The following NFKBIZ variants were observed in gnomAD, a reference collection of about 807,000 sequenced individuals.
NFKBIZ encodes NF-kappa-B inhibitor zeta.
A neutral mutation model predicts 76.8 loss-of-function variants in NFKBIZ; 19 were observed. That is an observed-to-expected ratio of 0.25 (90% CI 0.17 to 0.36). NFKBIZ has a LOEUF of 0.36. Among genes scored for constraint, NFKBIZ ranks in the 10% least tolerant of loss-of-function variants. The probability of loss-of-function intolerance (pLI) is 1.00; values close to 1 mark genes in which losing one functional copy is unlikely to be tolerated. For synonymous variants in NFKBIZ, 368 were observed against 354.8 expected (o/e 1.04, Z -0.42); for missense variants, 829 against 910.9 (o/e 0.91, Z 1.16).
chr3:101,846,826 G>A (rs1214981389), upstream of NFKBIZ, among the ~76,000 whole-genome samples: 2 of 152,172 alleles, frequency 1.3e-5, no homozygotes, highest in Non-Finnish European at 2.9e-5. Context: ...TGAAGGATTG[G>A]CTCACACAAT....
chr3:101,828,340 A>T (rs536767240), intron 1 of NFKBIZ, among the ~76,000 whole-genome samples: 1 of 151,504 alleles, frequency 6.6e-6, no homozygotes, highest in Admixed American at 6.6e-5. Context: ...ATATTGGGGG[A>T]TAGTTTTTTG....
Position 101,853,382 on chromosome 3 carries a change from C to G in NFKBIZ, c.856C>G (p.Leu286Val). Residue 286 changes from leucine to valine, a missense_variant, in exon 5 of 12, where the codon CTG becomes GTG. This residue lies in a region of NFKBIZ where 371 missense variants were observed against 332.3 expected (regional missense o/e 1.12). Coordinates refer to ENST00000326172, the MANE Select transcript of NFKBIZ (RefSeq NM_031419.4). ...CCAACAAATGATAGACCAGGCTTCC[C>G]TGTACCAGTATTCTCCACAGAACCA... ...GSQQMIDQAS[L>V]YQYSPQNQHV... is the part of the protein sequence containing the mutation. 1.2e-6 allele frequency: 2 copies of G among 1,614,152 alleles called. No homozygotes were observed. The highest frequency in any genetic ancestry group is 1.7e-6 in the Non-Finnish European group (2 of 1,180,038).
rs1943106650 is a variant in NFKBIZ, at chr3:101,859,646, C to T, written c.*275C>T. The T allele has an allele frequency of 3.7e-6, 1 of 268,350 alleles. No homozygotes were observed. Among genetic ancestry groups the T allele is most frequent in the African/African-American group, 2.2e-5 (1 of 46,188 alleles). The allele number at this position is 268,350 out of a possible 1,614,324, so 16.6% of individuals were successfully genotyped here. On this transcript the variant is annotated 3_prime_UTR_variant, in exon 12 of 12. Coordinates refer to ENST00000326172, the MANE Select transcript of NFKBIZ (RefSeq NM_031419.4). ...TAACATTGCCTTCAATTAACAGTAG[C>T]TTTTGAGTAGGAAAGGACTTTGATT...
In NFKBIZ at chr3:101,855,734, C is replaced by G; in HGVS notation, c.1656C>G (p.Gly552=). The change falls in exon 9 of 12, where the codon GGC becomes GGG. Residue 552 remains glycine, a splice_region_variant and synonymous_variant. Coordinates refer to ENST00000326172, the MANE Select transcript of NFKBIZ (RefSeq NM_031419.4). ...TGCTTGATTATACTTTTCTTCTAGG[C>G]CTGACTCCCCTTCACTGTGCAGTCA... is the stretch of plus-strand genomic sequence containing the variant. ...FVDLEATNYD[G]LTPLHCAVIA... 2 of 1,587,614 alleles carry G rather than the reference C, an allele frequency of 1.3e-6. No individual in the cohort carries two copies. The highest frequency in any genetic ancestry group is 2.3e-5 in the South Asian group (2 of 86,714).
chr3:101,831,632 CCT>C (rs1228033301), intron 2 of NFKBIZ, among the ~76,000 whole-genome samples: 1 of 150,270 alleles, frequency 6.7e-6, no homozygotes, highest in Non-Finnish European at 1.5e-5. Context: ...TTTTCTTTTT[CCT>C]CTCTCTCTCC....
intron 2 of NFKBIZ, among the ~76,000 whole-genome samples, chr3:101,841,537 A>G (rs1942785005): frequency 6.6e-6 from 1 of 152,234 alleles, no homozygotes; most frequent in South Asian, 2.1e-4. Context: ...ACCATATTGA[A>G]GAATAACTAG....
intron 11 of NFKBIZ, chr3:101,857,946 G>A (rs1943075058): frequency 1.2e-6 from 1 of 849,538 alleles, no homozygotes; most frequent in Non-Finnish European, 1.4e-6. Flanking sequence ...AACAAAAAAT[G>A]GAAAAATTAC....
chr3:101,855,929 G>C (rs1434686128), intron 9 of NFKBIZ, 27 bp downstream of exon 9: 1 of 1,572,224 alleles, frequency 6.4e-7, no homozygotes, highest in Non-Finnish European at 8.6e-7. Flanking sequence ...GGTTTAAGAT[G>C]GGGTAGGGGA....
chr3:101,851,011 A>G (rs1942949889), intron 1 of NFKBIZ, among the ~76,000 whole-genome samples: 1 of 152,218 alleles, frequency 6.6e-6, no homozygotes, highest in South Asian at 2.1e-4. Context: ...GTCATTCCAG[A>G]AAAATGCTGT....
Position 101,853,611 on chromosome 3 carries a change from G to A in NFKBIZ, c.1085G>A (p.Ser362Asn). ...NIANPMQTSS[S>N]VQQQNDAHLH... ...GCTAATCCCATGCAGACTTCCTCCA[G>A]TGTTCAGCAGCAAAATGATGCTCAC... is the stretch of plus-strand genomic sequence containing the variant. Residue 362 changes from serine (S) to asparagine (N), a missense_variant, in exon 5 of 12, where the codon AGT becomes AAT. Physicochemically the swap from Ser to Asn is conservative, Grantham distance 46. This residue lies in a region of NFKBIZ where 371 missense variants were observed against 332.3 expected (regional missense o/e 1.12). Coordinates refer to ENST00000326172, the MANE Select transcript of NFKBIZ (RefSeq NM_031419.4). 1 of 1,614,240 alleles carries A rather than the reference G, an allele frequency of 6.2e-7. No individual in the cohort carries two copies. The highest frequency in any genetic ancestry group is 8.5e-7 in the Non-Finnish European group (1 of 1,180,058).
At chr3:101,830,562 G>A (rs1264173541) in intron 2 of NFKBIZ, among the ~76,000 whole-genome samples, 1 of 152,184 alleles carries the variant, frequency 6.6e-6, no homozygotes, top group South Asian at 2.1e-4. Context: ...ACTTAAAAAT[G>A]AGAACATGTG....
rs752967267 is a variant in NFKBIZ at position 101,853,117 on chromosome 3, G to A, written c.591G>A (p.Gly197=). The part of the protein sequence containing the change: ...FLTPPQTPTP[G]ESMEDVHLNE... ...CACCACCTCAAACACCAACGCCCGG[G>A]GAGAGCATGGAAGATGTTCATCTCA... The change falls in exon 5 of 12, where the codon GGG becomes GGA. Residue 197 remains glycine, a synonymous_variant. Coordinates refer to ENST00000326172, the MANE Select transcript of NFKBIZ (RefSeq NM_031419.4). 1 of 1,613,966 alleles carries A rather than the reference G, an allele frequency of 6.2e-7. No homozygotes were observed. Among genetic ancestry groups the A allele is most frequent in the South Asian group, 1.1e-5 (1 of 91,084 alleles).
At chr3:101,858,182 C>T (rs1400107676) in intron 11 of NFKBIZ, 1 of 985,192 alleles carries the variant, frequency 1.0e-6, no homozygotes, top group Non-Finnish European at 1.2e-6. Flanking sequence ...ACATACTTTA[C>T]TAATCACAAA....
At position 101,857,069 on chromosome 3, in the gene NFKBIZ, C is replaced by A; in HGVS notation, c.1825-4C>A. ...TTTTTTTCCTCCCTCTTGCCTTTGA[C>A]AAGGATCGCAAAAGTGGCCGCACAG... is the stretch of plus-strand genomic sequence containing the variant. On this transcript the variant is annotated splice_region_variant and splice_polypyrimidine_tract_variant and intron_variant, in intron 9 of 11. Coordinates refer to ENST00000326172, the MANE Select transcript of NFKBIZ (RefSeq NM_031419.4). 2 of 1,581,696 alleles carry A rather than the reference C, an allele frequency of 1.3e-6. No homozygotes were observed. Among genetic ancestry groups the A allele is most frequent in the Middle Eastern group, 1.7e-4 (1 of 5,956 alleles).
chr3:101,836,912 T>C (rs1576806719), intron 2 of NFKBIZ, among the ~76,000 whole-genome samples: 1 of 152,372 alleles, frequency 6.6e-6, no homozygotes, highest in South Asian at 2.1e-4. Flanking sequence ...CTCTGGTTAC[T>C]TTGATCAGAT....
At position 101,849,858 on chromosome 3, in the gene NFKBIZ, C is replaced by A. The variant is rs1158598172; in HGVS notation, c.230C>A (p.Ser77Tyr). ...SSDFSSASSV[S>Y]SCGAVESRSR... ...GACTTCTCCTCTGCCTCGTCGGTGT[C>A]CTCCTGCGGCGCCGTGGAGTCCCGG... The change falls in exon 1 of 12, where the codon TCC becomes TAC. Residue 77 changes from serine (S) to tyrosine (Y), a missense_variant. Physicochemically the swap from Ser to Tyr is moderately radical, Grantham distance 144. Around this residue, in one of 4 missense-constraint regions of NFKBIZ, gnomAD observed 181 missense variants for 175.3 expected, o/e 1.03. Transcript: ENST00000326172. The A allele has an allele frequency of 3.4e-6, 5 of 1,463,308 alleles. No individual in the cohort carries two copies. Among genetic ancestry groups the A allele is most frequent in the Non-Finnish European group, 4.5e-6 (5 of 1,115,858 alleles). 90.6% of individuals were successfully genotyped at this position (1,463,308 alleles called of 1,614,324 possible).
intron 10 of NFKBIZ, 36 bp from the exon 11 acceptor site, chr3:101,857,255 CT>C: frequency 6.2e-7 from 1 of 1,612,628 alleles, no homozygotes; most frequent in Non-Finnish European, 8.5e-7. Flanking sequence ...AAATTTCCCC[CT>C]TCCTGATGTC....
chr3:101,855,003 T>C (rs1339885002), intron 6 of NFKBIZ, 59 bp from the exon 7 acceptor site: 1 of 1,512,986 alleles, frequency 6.6e-7, no homozygotes, highest in African/African-American at 1.4e-5. Flanking sequence ...TAGTTTCATA[T>C]TCCTTGTTAT....
At chr3:101,843,923 G>T (rs556143043) in intron 2 of NFKBIZ, among the ~76,000 whole-genome samples, 15 of 152,186 alleles carry the variant, frequency 9.9e-5, no homozygotes, top group Admixed American at 3.9e-4. Flanking sequence ...AGCTCAAGGT[G>T]TCCAACAGAA....
Sources: allele counts gnomAD v4.1 joint callset (sites outside exome capture counted in the v4.1 genomes callset), GRCh38; gene constraint gnomAD v4.1.1; regional missense constraint gnomAD v4.1.1; transcripts MANE v1.5; gene names NCBI Gene and HGNC (gene_info 2026-07-23, HGNC 2026-07-21).